Variants in ADPGK observed in about 807,000 individuals in gnomAD.
ADPGK encodes the protein ADP-dependent glucokinase.
In ADPGK, 26 loss-of-function variants were observed where a neutral mutation model predicts 42.4. That is an observed-to-expected ratio of 0.61 (90% CI 0.45 to 0.85). ADPGK has a LOEUF of 0.85. ADPGK is among the 40% of genes least tolerant of loss of function. The pLI is 0.00. For synonymous variants in ADPGK, 267 were observed against 252.6 expected, an observed-to-expected ratio of 1.06 and a Z score of -0.54; for missense variants, 571 against 627.0, an observed-to-expected ratio of 0.91 and a Z score of 0.95.
At chr15:72,753,615 G>A (rs1009485679) in intron 6 of ADPGK, among the ~76,000 whole-genome samples, 2 of 152,150 alleles carry the variant, frequency 1.3e-5, no homozygotes, top group Non-Finnish European at 2.9e-5. Flanking sequence ...TGTATAAAAT[G>A]GTTTTAAAAA....
At chr15:72,758,770 T>C (rs908673002) in intron 4 of ADPGK, among the ~76,000 whole-genome samples, 3 of 152,146 alleles carry the variant, frequency 2.0e-5, no homozygotes, top group Non-Finnish European at 2.9e-5. Context: ...CTCCACTCTG[T>C]AGTCACCAGG....
intron 2 of ADPGK, among the ~76,000 whole-genome samples, chr15:72,773,530 T>C (rs10519024): frequency 0.091 from 13,858 of 152,210 alleles, 738 homozygotes; most frequent in Non-Finnish European, 0.11. Flanking sequence ...ACTCCTCTAG[T>C]GAAAGGGGTT....
chr15:72,776,795 ATGTTT>A (rs1386367366), intron 1 of ADPGK, among the ~76,000 whole-genome samples: 1 of 152,194 alleles, frequency 6.6e-6, no homozygotes, highest in East Asian at 1.9e-4. Context: ...CTAGGGATTC[ATGTTT>A]TGAAAGGAGT....
At chr15:72,754,024 G>A (rs2066080011) in intron 6 of ADPGK, among the ~76,000 whole-genome samples, 1 of 151,566 alleles carries the variant, frequency 6.6e-6, no homozygotes, top group South Asian at 2.1e-4. Flanking sequence ...GGAAGTATAT[G>A]GGAACTCTCT....
chr15:72,779,616 C>T (rs1028830504), intron 1 of ADPGK, among the ~76,000 whole-genome samples: 4 of 151,974 alleles, frequency 2.6e-5, no homozygotes, highest in Non-Finnish European at 4.4e-5. Context: ...TTCCTAGAAA[C>T]GCCTTAAAAC....
chr15:72,752,519 T>C lies in ADPGK; in HGVS notation c.1316A>G (p.Glu439Gly). 1 of 1,614,160 alleles carries C rather than the reference T, an allele frequency of 6.2e-7. No individual in the cohort carries two copies. Among genetic ancestry groups the C allele is most frequent in the Non-Finnish European group, 8.5e-7 (1 of 1,180,026 alleles). Reference sequence around the variant, plus strand: ...GTTTAATACAATCCTGGAGCCTGCCTCCGAATGGGAAGTCATGAACTCTTG... The same window carrying C: ...GTTTAATACAATCCTGGAGCCTGCCCCCGAATGGGAAGTCATGAACTCTTG... ...APQEFMTSHS[E>G]AGSRIVLNPN... is the part of the protein sequence containing the mutation. Residue 439 changes from glutamate to glycine, a missense_variant, in exon 7 of 7, where the codon GAG becomes GGG. Physicochemically the swap from Glu to Gly is moderately conservative, Grantham distance 98. Transcript: ENST00000456471.
intron 4 of ADPGK, chr15:72,757,743 C>T (rs1228851400): frequency 1.5e-5 from 3 of 203,754 alleles, no homozygotes; most frequent in Non-Finnish European, 2.0e-5. Context: ...AACAAAGACT[C>T]TGTACGATGG....
At chr15:72,753,438 G>GT in intron 6 of ADPGK, among the ~76,000 whole-genome samples, 1 of 152,322 alleles carries the variant, frequency 6.6e-6, no homozygotes, top group South Asian at 2.1e-4. Context: ...CAATAACACT[G>GT]TAAGAAAAAG....
chr15:72,777,970 T>G (rs1469851127), intron 1 of ADPGK, among the ~76,000 whole-genome samples: 2 of 152,036 alleles, frequency 1.3e-5, no homozygotes, highest in Non-Finnish European at 2.9e-5. Context: ...AAAACCAGGC[T>G]GAGCACGGTG....
chr15:72,782,380 C>T (rs1364543192), intron 1 of ADPGK, among the ~76,000 whole-genome samples: 1 of 151,874 alleles, frequency 6.6e-6, no homozygotes, highest in Non-Finnish European at 1.5e-5. Flanking sequence ...AAAAAATTGG[C>T]TGGGCGTGGT....
At chr15:72,753,098 G>C (rs1230373630) in intron 6 of ADPGK, among the ~76,000 whole-genome samples, 1 of 152,194 alleles carries the variant, frequency 6.6e-6, no homozygotes, top group Non-Finnish European at 1.5e-5. Flanking sequence ...AAACTGGAAA[G>C]CTGCAGTAAC....
In ADPGK at chr15:72,775,278, T is replaced by C. The variant is rs185333970; in HGVS notation, c.234-181A>G. 1.4e-4 allele frequency: 85 copies of C among 601,026 alleles called. No individual in the cohort carries two copies. The African/African-American group carries it at 1.5e-3, about 11-fold the overall frequency. 37.2% of individuals were successfully genotyped at this position (601,026 alleles called of 1,614,324 possible). ...AGAAAAATTACTTTAACTGGATTTA[T>C]GTATTAGCATCAGAACACAGGACTC... On this transcript the variant is annotated intron_variant, in intron 1 of 6. Coordinates refer to ENST00000456471, the MANE Select transcript of ADPGK (RefSeq NM_001365225.1).
Position 72,752,278 on chromosome 15 carries a change from C to T in ADPGK, c.*63G>A. On this transcript the variant is annotated 3_prime_UTR_variant, in exon 7 of 7. Transcript: ENST00000456471. ...CTTTGGCTGTCTTCCAAACCACTTT[C>T]TTCCTGTAATTCTTAAGTTGGCTAG... The T allele has an allele frequency of 2.0e-6, 3 of 1,489,714 alleles. No homozygotes were observed. The highest frequency in any genetic ancestry group is 2.7e-5 in the South Asian group (2 of 75,116). The allele number at this position is 1,489,714 out of a possible 1,614,324, so 92.3% of individuals were successfully genotyped here.
At chr15:72,773,860 CA>C (rs1014112305) in intron 2 of ADPGK, among the ~76,000 whole-genome samples, 1 of 152,184 alleles carries the variant, frequency 6.6e-6, no homozygotes, top group Non-Finnish European at 1.5e-5. Context: ...GCTTCGAAGA[CA>C]AAAAACTTAT....
In ADPGK at chr15:72,755,629, G is replaced by C. The variant is rs1412276462; in HGVS notation, c.866C>G (p.Pro289Arg). ...LEVVTSISDI[P>R]TGIPVHLELA... Reference sequence around the variant, plus strand: ...CTCTAGGTGAACTGGAATACCAGTGGGGATGTCAGAAATGGAGGTTACAAC... The same window carrying C: ...CTCTAGGTGAACTGGAATACCAGTGCGGATGTCAGAAATGGAGGTTACAAC... Residue 289 changes from proline to arginine, a missense_variant, in exon 6 of 7, where the codon CCC becomes CGC. Pro to Arg is a moderately radical substitution (Grantham distance 103). Transcript: ENST00000456471. 2 of 1,613,772 alleles carry C rather than the reference G, an allele frequency of 1.2e-6. No individual in the cohort carries two copies. The highest frequency in any genetic ancestry group is 1.1e-5 in the South Asian group (1 of 91,066).
rs1164510744 is a variant in ADPGK, at chr15:72,783,665, G to C, written c.27C>G (p.Tyr9Ter). 1 of 1,505,462 alleles carries C rather than the reference G, an allele frequency of 6.6e-7. No individual in the cohort carries two copies. The highest frequency in any genetic ancestry group is 8.8e-7 in the Non-Finnish European group (1 of 1,134,496). 93.3% of individuals were successfully genotyped at this position (1,505,462 alleles called of 1,614,324 possible). MALWRGSA[Y>*]AGFLALAVGC... ...CCACGGCCAGCGCCAGGAAGCCCGCGTACGCGGAGCCGCGCCACAGCGCCA... is the reference window on the plus strand; with the variant it reads ...CCACGGCCAGCGCCAGGAAGCCCGCCTACGCGGAGCCGCGCCACAGCGCCA... Residue 9 changes from tyrosine to a stop codon, truncating the protein, a stop_gained, in exon 1 of 7, where the codon TAC becomes TAG. Transcript: ENST00000456471. LOFTEE classifies it high-confidence loss of function.
In ADPGK at chr15:72,783,542, G is replaced by T; in HGVS notation, c.150C>A (p.Pro50=). 2 of 1,491,622 alleles carry T rather than the reference G, an allele frequency of 1.3e-6. No homozygotes were observed. The highest frequency in any genetic ancestry group is 2.2e-5 in the Admixed American group (1 of 45,814). 92.4% of individuals were successfully genotyped at this position (1,491,622 alleles called of 1,614,324 possible). A position where few individuals can be genotyped will look rare whatever the true frequency, so the allele number is the denominator to read the frequency against. The change falls in exon 1 of 7, where the codon CCC becomes CCA. Residue 50 remains proline, a synonymous_variant. Transcript: ENST00000456471. ...CCGCCAACCGGCCCTCGGGGGAGAC[G>T]GGTCCCGGGGGCGCAGGCGCGGGCC... ...CLGPAPAPPG[P]VSPEGRLAAA...
chr15:72,766,195 T>A (rs1201432441), intron 3 of ADPGK, among the ~76,000 whole-genome samples: 1 of 152,106 alleles, frequency 6.6e-6, no homozygotes, highest in African/African-American at 2.4e-5. Flanking sequence ...CTCGCTATGT[T>A]GCCCAGGCTC....
At chr15:72,778,020 G>A (rs964385024) in intron 1 of ADPGK, among the ~76,000 whole-genome samples, 2 of 152,048 alleles carry the variant, frequency 1.3e-5, no homozygotes, top group African/African-American at 4.8e-5. Flanking sequence ...AGGCCAAGGC[G>A]GGTGGATCAC....
Sources: gnomAD v4.1 joint callset for allele counts (sites outside exome capture counted in the v4.1 genomes callset) on GRCh38, gnomAD v4.1.1 for gene constraint, MANE v1.5 for transcripts, NCBI Gene and HGNC (gene_info 2026-07-23, HGNC 2026-07-21) for gene names.